Variants in CAND1 observed in about 807,000 individuals in gnomAD.
CAND1 encodes the protein cullin-associated NEDD8-dissociated protein 1.
A neutral mutation model predicts 108.5 loss-of-function variants in CAND1; 7 were observed. The ratio of observed to expected loss-of-function variants is 0.06; its 90% CI spans 0.04 to 0.12. CAND1 has a LOEUF of 0.12. Ranked by LOEUF, CAND1 falls within the 10% of genes least tolerant of loss-of-function variation. The probability of loss-of-function intolerance (pLI) is 1.00; values close to 1 mark genes in which losing one functional copy is unlikely to be tolerated. For synonymous variants in CAND1, 534 were observed against 512.0 expected, an observed-to-expected ratio of 1.04 and a Z score of -0.58; for missense variants, 941 against 1,448.7, an observed-to-expected ratio of 0.65 and a Z score of 5.69.
chr12:67,287,935 A>T (rs1280211137), intron 2 of CAND1, among the ~76,000 whole-genome samples: 3 of 100,632 alleles, frequency 3.0e-5, no homozygotes, highest in South Asian at 2.9e-4. Context: ...CTATTTTTTT[A>T]CTGGTTTATA....
chr12:67,302,023 G>A (rs114985006), intron 7 of CAND1, among the ~76,000 whole-genome samples: 2,159 of 152,260 alleles, frequency 0.014, 37 homozygotes, highest in African/African-American at 0.049. Context: ...AGTTGAATGT[G>A]TTAATTGATG....
chr12:67,297,251 A>G (rs566462554), intron 4 of CAND1, 156 bp from the exon 5 acceptor site: 100 of 747,746 alleles, frequency 1.3e-4, no homozygotes, highest in Admixed American at 2.7e-4. Context: ...GCATTGGTAG[A>G]TAAAGTGATA....
rs772604433 is a variant in CAND1 at position 67,282,753 on chromosome 12, C to T, written c.212+700C>T. ...AGCAGCAGTTAAACCATAGTTAACT[C>T]AAAACAACACTGATGATACAATATA... is the stretch of plus-strand genomic sequence containing the variant. On this transcript the variant is annotated intron_variant, in intron 2 of 14. Coordinates refer to ENST00000545606, the MANE Select transcript of CAND1 (RefSeq NM_018448.5). 1.3e-5 allele frequency among the ~76,000 whole-genome samples: 2 copies of T among 152,164 alleles called. 1 individual carries two copies. Among genetic ancestry groups the T allele is most frequent in the South Asian group, 4.1e-4 (2 of 4,826 alleles).
At position 67,310,063 on chromosome 12, in the gene CAND1, T is replaced by C; in HGVS notation, c.3188T>C (p.Ile1063Thr). 6.2e-7 allele frequency: 1 copy of C among 1,611,490 alleles called. No individual in the cohort carries two copies. Among genetic ancestry groups the C allele is most frequent in the Non-Finnish European group, 8.5e-7 (1 of 1,178,560 alleles). ...GAAACAAAAGTTAGAAAGGAGCTTA[T>C]AAGAGAGGTAAGTTAGATCACACTG... ...YNETKVRKEL[I>T]REVEMGPFKH... The change falls in exon 12 of 15, where the codon ATA (isoleucine) becomes ACA (threonine). Residue 1063 changes from isoleucine to threonine, a missense_variant. Ile to Thr is a moderately conservative substitution (Grantham distance 89, BLOSUM62 -1). Coordinates refer to ENST00000545606, the MANE Select transcript of CAND1 (RefSeq NM_018448.5).
In CAND1 at chr12:67,312,843, C is replaced by G. The variant is rs62617781; in HGVS notation, c.*13C>G. 2.1e-5 allele frequency: 32 copies of G among 1,517,644 alleles called. No homozygotes were observed. The African/African-American group carries it at 4.0e-4, about 19-fold the overall frequency. The allele number at this position is 1,517,644 out of a possible 1,614,324, so 94.0% of individuals were successfully genotyped here. On this transcript the variant is annotated 3_prime_UTR_variant, in exon 15 of 15. Coordinates refer to ENST00000545606, the MANE Select transcript of CAND1 (RefSeq NM_018448.5). ...GGACACTAGTTAGATGTTTGTTCAC[C>G]ATGGGGACCATTACATATGACCATA...
At chr12:67,284,445 C>A (rs1288120103) in intron 2 of CAND1, among the ~76,000 whole-genome samples, 3 of 152,058 alleles carry the variant, frequency 2.0e-5, no homozygotes, top group Non-Finnish European at 2.9e-5. Flanking sequence ...GGAGAAAAAA[C>A]TATCTGGTTA....
rs540102313 is a variant in CAND1 at position 67,317,718 on chromosome 12, G to C, written c.*4888G>C. 6.6e-6 allele frequency: 1 copy of C among 152,364 alleles called. No homozygotes were observed. Among genetic ancestry groups the C allele is most frequent in the East Asian group, 1.9e-4 (1 of 5,174 alleles). The allele number at this position is 152,364 out of a possible 1,614,324, so 9.4% of individuals were successfully genotyped here. ...GGCTGGTTTCAAACTCCTGATCTTA[G>C]GTGATACACCCGCCTCGGCCTCCCA... On this transcript the variant is annotated 3_prime_UTR_variant, in exon 15 of 15. Coordinates refer to ENST00000545606, the MANE Select transcript of CAND1 (RefSeq NM_018448.5).
At chr12:67,284,910 T>C (rs2044655927) in intron 2 of CAND1, among the ~76,000 whole-genome samples, 1 of 146,814 alleles carries the variant, frequency 6.8e-6, no homozygotes, top group African/African-American at 2.5e-5. Context: ...ATTAACCACT[T>C]TAAGACAGAG....
At chr12:67,274,213 G>A (rs1592601163) in intron 1 of CAND1, among the ~76,000 whole-genome samples, 9 of 152,282 alleles carry the variant, frequency 5.9e-5, no homozygotes, top group Admixed American at 1.3e-4. Flanking sequence ...AAAAGTTTAA[G>A]ATCTGGTGCT....
At chr12:67,270,949 G>A (rs900802205) in intron 1 of CAND1, among the ~76,000 whole-genome samples, 3 of 152,158 alleles carry the variant, frequency 2.0e-5, no homozygotes, top group Non-Finnish European at 2.9e-5. Flanking sequence ...ACTTGAAAAT[G>A]TGTCCAAACC....
chr12:67,273,937 GATA>G (rs2044546605), intron 1 of CAND1, among the ~76,000 whole-genome samples: 1 of 152,124 alleles, frequency 6.6e-6, no homozygotes, highest in African/African-American at 2.4e-5. Context: ...AGTAAAAGAG[GATA>G]ATAATAATCT....
chr12:67,290,675 A>G (rs978748088), intron 2 of CAND1, among the ~76,000 whole-genome samples: 1 of 152,108 alleles, frequency 6.6e-6, no homozygotes, highest in African/African-American at 2.4e-5. Context: ...TAGTTCATCA[A>G]CCAGATGGTT....
At chr12:67,289,865 G>A (rs2044706535) in intron 2 of CAND1, among the ~76,000 whole-genome samples, 1 of 151,400 alleles carries the variant, frequency 6.6e-6, no homozygotes, top group Non-Finnish European at 1.5e-5. Flanking sequence ...TCACCAAATT[G>A]ACCTGCCTAC....
chr12:67,278,223 A>G (rs1458531532), intron 1 of CAND1, among the ~76,000 whole-genome samples: 2 of 152,008 alleles, frequency 1.3e-5, no homozygotes, highest in African/African-American at 4.8e-5. Flanking sequence ...TGCAACCTCC[A>G]CTGCCCGGCT....
chr12:67,302,250 A>C (rs1281073477), intron 7 of CAND1, 73 bp from the exon 8 acceptor site: 3 of 1,348,762 alleles, frequency 2.2e-6, no homozygotes, highest in Admixed American at 3.9e-5. Context: ...TAAGAATATC[A>C]ATTGATTTTC....
At chr12:67,297,376 T>G in intron 4 of CAND1, 31 bp from the exon 5 acceptor site, 1 of 1,593,798 alleles carries the variant, frequency 6.3e-7, no homozygotes, top group Non-Finnish European at 8.6e-7. Context: ...ATTCATTTGT[T>G]GTTTTCTTTC....
intron 7 of CAND1, among the ~76,000 whole-genome samples, chr12:67,300,731 A>T (rs1230040206): frequency 1.3e-5 from 2 of 152,148 alleles, no homozygotes; most frequent in African/African-American, 4.8e-5. Flanking sequence ...TAATCTCTTG[A>T]TTGACTGCTT....
In CAND1 at chr12:67,309,894, A is replaced by G; in HGVS notation, c.3026-7A>G. 1 of 1,588,160 alleles carries G rather than the reference A, an allele frequency of 6.3e-7. No individual in the cohort carries two copies. Among genetic ancestry groups the G allele is most frequent in the Non-Finnish European group, 8.6e-7 (1 of 1,166,196 alleles). ...GTCTGTCTGTTGCTTTTCTTGTAATATTTCAGGTGATTTCCTAAAAACTTT... is the reference window on the plus strand; with the variant it reads ...GTCTGTCTGTTGCTTTTCTTGTAATGTTTCAGGTGATTTCCTAAAAACTTT... On this transcript the variant is annotated splice_region_variant and splice_polypyrimidine_tract_variant and intron_variant, in intron 11 of 14. Coordinates refer to ENST00000545606, the MANE Select transcript of CAND1 (RefSeq NM_018448.5).
chr12:67,298,130 T>G (rs1192442611), intron 6 of CAND1, among the ~76,000 whole-genome samples: 3 of 152,212 alleles, frequency 2.0e-5, no homozygotes, highest in Non-Finnish European at 4.4e-5. Context: ...AATGCCAGTG[T>G]AATAATGTAG....
Sources: allele counts gnomAD v4.1 joint callset (sites outside exome capture counted in the v4.1 genomes callset), GRCh38; gene constraint gnomAD v4.1.1; transcripts MANE v1.5; gene names NCBI Gene and HGNC (gene_info 2026-07-23, HGNC 2026-07-21).